Variants in KSR2 observed in about 807,000 individuals in gnomAD.
KSR2 encodes kinase suppressor of ras 2.
Under a neutral mutation model 107.8 loss-of-function variants are expected in KSR2, and 25 were observed. That is an observed-to-expected ratio of 0.23 (90% CI 0.17 to 0.32). KSR2 has a LOEUF of 0.32. Among genes scored for constraint, KSR2 ranks in the 10% least tolerant of loss-of-function variants. The probability of loss-of-function intolerance (pLI) is 1.00; values close to 1 mark genes in which losing one functional copy is unlikely to be tolerated. For synonymous variants in KSR2, 480 were observed against 507.0 expected (o/e 0.95, Z 0.71); for missense variants, 887 against 1,268.9 (o/e 0.70, Z 4.57).
intron 17 of KSR2, among the ~76,000 whole-genome samples, chr12:117,474,051 G>T (rs1251210984): frequency 6.6e-6 from 1 of 152,070 alleles, no homozygotes; most frequent in Non-Finnish European, 1.5e-5. Flanking sequence ...CAAGCAACAG[G>T]ATGCACCTAA....
At chr12:117,685,893 C>CA (rs1885549515) in intron 4 of KSR2, among the ~76,000 whole-genome samples, 1 of 152,126 alleles carries the variant, frequency 6.6e-6, no homozygotes, top group African/African-American at 2.4e-5. Flanking sequence ...ATGCTGATTC[C>CA]CCCCCTGTAA....
chr12:117,503,766 T>C (rs1186365401), intron 14 of KSR2, among the ~76,000 whole-genome samples: 2 of 152,178 alleles, frequency 1.3e-5, no homozygotes, highest in African/African-American at 4.8e-5. Flanking sequence ...TTGACAATTA[T>C]GGTTGATTGA....
At chr12:117,591,958 G>A (rs763142706) in intron 5 of KSR2, among the ~76,000 whole-genome samples, 1 of 151,730 alleles carries the variant, frequency 6.6e-6, no homozygotes, top group African/African-American at 2.4e-5. Flanking sequence ...GCAGTGAGCT[G>A]AGATTGTGCC....
intron 11 of KSR2, 147 bp from the exon 12 acceptor site, chr12:117,531,160 C>T: frequency 2.9e-6 from 2 of 683,284 alleles, no homozygotes; most frequent in East Asian, 2.6e-5. Flanking sequence ...TTTCCTGGAC[C>T]ACCTGGACTC....
At chr12:117,680,598 T>C (rs1298420760) in intron 4 of KSR2, among the ~76,000 whole-genome samples, 2 of 152,090 alleles carry the variant, frequency 1.3e-5, no homozygotes, top group African/African-American at 2.4e-5. Context: ...CTCCCAACAA[T>C]AGTGAAATTA....
At chr12:117,936,533 TTAGTAG>T (rs60536021) in intron 1 of KSR2, among the ~76,000 whole-genome samples, 34 of 119,678 alleles carry the variant, frequency 2.8e-4, no homozygotes, top group Non-Finnish European at 3.8e-4. Context: ...ATTATTATTA[TTAGTAG>T]TAGTAGTAGT....
At chr12:117,486,932 C>CT (rs1192569708) in intron 14 of KSR2, among the ~76,000 whole-genome samples, 8 of 152,016 alleles carry the variant, frequency 5.3e-5, no homozygotes, top group Non-Finnish European at 1.0e-4. Context: ...AGCATGGGGG[C>CT]TTAGAGTAGG....
intron 3 of KSR2, among the ~76,000 whole-genome samples, chr12:117,838,454 A>G (rs923397478): frequency 2.6e-5 from 4 of 152,226 alleles, no homozygotes; most frequent in Non-Finnish European, 5.9e-5. Flanking sequence ...GGTGTGAGCC[A>G]CCATGCCCAG....
At chr12:117,956,883 G>A (rs1163117802) in intron 1 of KSR2, among the ~76,000 whole-genome samples, 1 of 152,222 alleles carries the variant, frequency 6.6e-6, no homozygotes, top group African/African-American at 2.4e-5. Context: ...CATGTGGCAA[G>A]TGGCTGCCAT....
intron 3 of KSR2, among the ~76,000 whole-genome samples, chr12:117,829,771 T>C (rs1392355182): frequency 6.6e-6 from 1 of 152,222 alleles, no homozygotes; most frequent in African/African-American, 2.4e-5. Context: ...CATGATTAGA[T>C]GTGACTGTGT....
At chr12:117,471,104 T>C in intron 18 of KSR2, 87 bp downstream of exon 18, 1 of 1,511,324 alleles carries the variant, frequency 6.6e-7, no homozygotes, top group East Asian at 2.3e-5. Context: ...AAAGCATTTG[T>C]AACCTTAACA....
intron 5 of KSR2, among the ~76,000 whole-genome samples, chr12:117,629,793 T>A (rs1479431180): frequency 1.3e-5 from 2 of 152,240 alleles, no homozygotes; most frequent in East Asian, 3.8e-4. Flanking sequence ...AATGTGTAAG[T>A]CTGTGGAAGT....
In KSR2 at chr12:117,686,548, T is replaced by C. The variant is rs1041070714; in HGVS notation, c.987-18890A>G. On this transcript the variant is annotated intron_variant, in intron 4 of 19. Coordinates refer to ENST00000339824, the MANE Select transcript of KSR2 (RefSeq NM_173598.6). ...TATCACAGACTCCCTAGGACCTGGA[T>C]TTGCTTGTAACACCTGGATAAAAAA... Among the ~76,000 whole-genome samples the C allele has an allele frequency of 5.3e-5, 8 of 152,182 alleles. No individual in the cohort carries two copies. In the South Asian group the frequency reaches 8.3e-4, roughly 16 times the overall value.
intron 5 of KSR2, among the ~76,000 whole-genome samples, chr12:117,629,143 C>G (rs1429676877): frequency 6.6e-6 from 1 of 152,224 alleles, no homozygotes; most frequent in African/African-American, 2.4e-5. Flanking sequence ...AATCCCCCAA[C>G]CCCATGCGCT....
At chr12:117,869,068 G>T (rs1052663553) in intron 1 of KSR2, among the ~76,000 whole-genome samples, 1 of 149,940 alleles carries the variant, frequency 6.7e-6, no homozygotes, top group Non-Finnish European at 1.5e-5. Context: ...TATTTTCCTT[G>T]TAAGAAAGTT....
intron 5 of KSR2, among the ~76,000 whole-genome samples, chr12:117,627,865 C>T (rs974235712): frequency 3.3e-5 from 5 of 152,212 alleles, no homozygotes; most frequent in Non-Finnish European, 5.9e-5. Flanking sequence ...GGTCTATTCA[C>T]ATAGTCCCAT....
intron 3 of KSR2, among the ~76,000 whole-genome samples, chr12:117,822,496 T>G (rs994328751): frequency 6.6e-5 from 10 of 152,180 alleles, no homozygotes. Context: ...AAGTTAAAAG[T>G]GCATTTAATA....
At chr12:117,591,778 C>A (rs926427037) in intron 5 of KSR2, among the ~76,000 whole-genome samples, 1 of 150,642 alleles carries the variant, frequency 6.6e-6, no homozygotes, top group Non-Finnish European at 1.5e-5. Flanking sequence ...CAGAGGTGAG[C>A]GGATCACTTG....
rs543451075 is a variant in KSR2, at chr12:117,549,479, T to G, written c.1518+5690A>C. 1.3e-5 allele frequency among the ~76,000 whole-genome samples: 2 copies of G among 152,266 alleles called. 1 individual carries two copies. Among genetic ancestry groups the G allele is most frequent in the Admixed American group, 1.3e-4 (2 of 15,310 alleles). On this transcript the variant is annotated intron_variant, in intron 9 of 19. Transcript: ENST00000339824. ...AGGCTTGTGCTTCTACATGGACATT[T>G]GTCAGCTTATCTGTCTCATCCTCTA...
Sources: gnomAD v4.1 joint callset for allele counts (sites outside exome capture counted in the v4.1 genomes callset) on GRCh38, gnomAD v4.1.1 for gene constraint, MANE v1.5 for transcripts, NCBI Gene and HGNC (gene_info 2026-07-23, HGNC 2026-07-21) for gene names.